ATG4A: variants seen among roughly 807,000 people sequenced by gnomAD.
The protein encoded by ATG4A is cysteine protease ATG4A.
A neutral mutation model predicts 38.4 loss-of-function variants in ATG4A; 22 were observed. The observed-to-expected ratio is 0.57, with a 90% CI of 0.41 to 0.82. The LOEUF is 0.82. Ranked by LOEUF, ATG4A falls within the 40% of genes least tolerant of loss-of-function variation. The pLI is 0.00. For missense variants in ATG4A, 220 were observed against 290.0 expected (o/e 0.76, Z 1.75); for synonymous variants, 86 against 100.7 (o/e 0.85, Z 0.88).
At chrX:108,098,013 C>T (rs1038023734) in intron 1 of ATG4A, among the ~76,000 whole-genome samples, 9 of 111,581 alleles carry the variant, frequency 8.1e-5, no homozygotes, top group Non-Finnish European at 1.3e-4. Flanking sequence ...GCACAACGTG[C>T]AGGTTTGTTA....
intron 9 of ATG4A, among the ~76,000 whole-genome samples, chrX:108,141,426 A>G (rs2033292938): frequency 9.0e-6 from 1 of 110,744 alleles, no homozygotes; most frequent in Non-Finnish European, 1.9e-5. Context: ...CAGTGAAACT[A>G]AGAGCTAAAA....
upstream of ATG4A, chrX:108,088,892 CA>C: frequency 1.0e-6 from 1 of 997,276 alleles, no homozygotes; most frequent in Admixed American, 2.8e-5. Flanking sequence ...AAATAGAAGG[CA>C]AAAAAGCAAG....
intron 1 of ATG4A, among the ~76,000 whole-genome samples, chrX:108,108,461 T>C (rs2032253617): frequency 9.0e-6 from 1 of 110,839 alleles, no homozygotes; most frequent in Non-Finnish European, 1.9e-5. Flanking sequence ...GGAACCAGAA[T>C]ATAAAAGTGA....
intron 1 of ATG4A, among the ~76,000 whole-genome samples, chrX:108,104,361 C>G (rs1221047601): frequency 3.6e-5 from 4 of 110,836 alleles, no homozygotes; most frequent in Non-Finnish European, 7.6e-5. Flanking sequence ...AGCTTTTGGT[C>G]ATGTGGGAAC....
intron 9 of ATG4A, among the ~76,000 whole-genome samples, chrX:108,141,084 A>ATACG (rs2033274939): frequency 2.7e-5 from 2 of 75,331 alleles, no homozygotes; most frequent in Non-Finnish European, 5.0e-5. Flanking sequence ...ATATATATAT[A>ATACG]TATATATATA....
At chrX:108,145,340 A>T (rs2033397509) in intron 9 of ATG4A, among the ~76,000 whole-genome samples, 1 of 112,606 alleles carries the variant, frequency 8.9e-6, no homozygotes, top group Non-Finnish European at 1.9e-5. Flanking sequence ...GACAGTAAAG[A>T]TATATTGCTG....
chrX:108,106,209 T>C (rs2032167721), intron 1 of ATG4A, among the ~76,000 whole-genome samples: 1 of 111,530 alleles, frequency 9.0e-6, no homozygotes, highest in South Asian at 3.8e-4. Context: ...TGTTGTTTAA[T>C]TTCCAATTGT....
Position 108,153,665 on chromosome X carries a change from C to T in ATG4A, c.1150C>T (p.Leu384=). Residue 384 remains leucine (L), a synonymous_variant, in exon 13 of 13, where the codon CTG becomes TTG. Transcript: ENST00000372232. Reference sequence around the variant, plus strand: ...AGAATTCATTGACTCTACTGAGCAACTGGAGGAGTTTGATCTGGAGGAAGA... The same window carrying T: ...AGAATTCATTGACTCTACTGAGCAATTGGAGGAGTTTGATCTGGAGGAAGA... The part of the protein sequence containing the change: ...GAEFIDSTEQ[L]EEFDLEEDFE... 1 of 1,209,291 alleles carries T rather than the reference C, an allele frequency of 8.3e-7. No homozygotes were observed. Among genetic ancestry groups the T allele is most frequent in the Non-Finnish European group, 1.1e-6 (1 of 893,562 alleles).
intron 1 of ATG4A, 27 bp downstream of exon 1, chrX:108,091,863 C>T: frequency 2.5e-6 from 3 of 1,210,832 alleles, no homozygotes; most frequent in Non-Finnish European, 3.4e-6. Context: ...TGAGTGGAAC[C>T]GTGTGAAAGA....
At position 108,150,232 on chromosome X, in the gene ATG4A, A is replaced by T; in HGVS notation, c.895A>T (p.Thr299Ser). ...AGAGAATGGAACGGTTAATGACCAG[A>T]CTTTCCATTGCCTGCAGTCCCCACA... ...TEENGTVNDQ[T>S]FHCLQSPQRM... The change falls in exon 10 of 13, where the codon ACT becomes TCT. Residue 299 changes from threonine to serine, a missense_variant. This residue lies in a region of ATG4A where 159 missense variants were observed against 188.9 expected (regional missense o/e 0.84). Transcript: ENST00000372232. 1 of 1,211,926 alleles carries T rather than the reference A, an allele frequency of 8.3e-7. No individual in the cohort carries two copies. Among genetic ancestry groups the T allele is most frequent in the Non-Finnish European group, 1.1e-6 (1 of 895,438 alleles).
At position 108,135,092 on chromosome X, in the gene ATG4A, G is replaced by A. The variant is rs189864149; in HGVS notation, c.467+681G>A. Among the ~76,000 whole-genome samples, 37 of 111,892 alleles carry A rather than the reference G, an allele frequency of 3.3e-4. No homozygotes were observed. The East Asian group carries it at 5.1e-3, about 15-fold the overall frequency. ...GGACCAACTTTTTGAAAGCAAACAG[G>A]GTGAGTGATGTTAGTACTTACACCT... is the stretch of plus-strand genomic sequence containing the variant. On this transcript the variant is annotated intron_variant, in intron 6 of 12. Coordinates refer to ENST00000372232, the MANE Select transcript of ATG4A (RefSeq NM_052936.5).
At chrX:108,153,221 C>G in intron 12 of ATG4A, 134 bp downstream of exon 12, 1 of 455,604 alleles carries the variant, frequency 2.2e-6, no homozygotes, top group Non-Finnish European at 3.8e-6. Context: ...AAAAATGGCA[C>G]TTCTGGTTAT....
chrX:108,153,121 A>G, intron 12 of ATG4A, 34 bp downstream of exon 12: 1 of 990,655 alleles, frequency 1.0e-6, no homozygotes, highest in Non-Finnish European at 1.4e-6. Context: ...CAGCTAGCAG[A>G]CCCACATATA....
At chrX:108,139,354 TAA>T (rs2033180076) in intron 9 of ATG4A, among the ~76,000 whole-genome samples, 1 of 112,185 alleles carries the variant, frequency 8.9e-6, no homozygotes, top group South Asian at 3.7e-4. Context: ...CATCTTACAG[TAA>T]AGTGTTCATC....
intron 1 of ATG4A, among the ~76,000 whole-genome samples, chrX:108,095,055 A>G (rs773966254): frequency 1.5e-3 from 171 of 111,696 alleles, no homozygotes; most frequent in Non-Finnish European, 2.8e-3. Flanking sequence ...CCCAGGCTCA[A>G]GCGATTCTCC....
chrX:108,095,665 G>A (rs1602602277), intron 1 of ATG4A, among the ~76,000 whole-genome samples: 1 of 109,601 alleles, frequency 9.1e-6, no homozygotes, highest in African/African-American at 3.3e-5. Flanking sequence ...AGCAATGTTC[G>A]AGGGTTCAGA....
intron 4 of ATG4A, among the ~76,000 whole-genome samples, chrX:108,133,385 G>C (rs2033012987): frequency 8.9e-6 from 1 of 112,599 alleles, no homozygotes; most frequent in Non-Finnish European, 1.9e-5. Context: ...GGGCTGTGCT[G>C]AAGGCACAGA....
At chrX:108,098,052 G>T (rs1240404595) in intron 1 of ATG4A, among the ~76,000 whole-genome samples, 1 of 111,591 alleles carries the variant, frequency 9.0e-6, no homozygotes, top group Admixed American at 9.4e-5. Context: ...ATGTGGGTTT[G>T]CTGCACCCAT....
At chrX:108,112,638 G>A (rs1375034250) in intron 1 of ATG4A, among the ~76,000 whole-genome samples, 1 of 110,022 alleles carries the variant, frequency 9.1e-6, no homozygotes, top group Admixed American at 9.6e-5. Context: ...CTCGTGATCC[G>A]CCCGCCTCCG....
Sources: allele counts gnomAD v4.1 joint callset (sites outside exome capture counted in the v4.1 genomes callset), GRCh38; gene constraint gnomAD v4.1.1; regional missense constraint gnomAD v4.1.1; transcripts MANE v1.5; gene names NCBI Gene and HGNC (gene_info 2026-07-23, HGNC 2026-07-21).